Variants in HNRNPUL1 observed in about 807,000 individuals in gnomAD.
HNRNPUL1 encodes heterogeneous nuclear ribonucleoprotein U-like protein 1.
Under a neutral mutation model 108.5 loss-of-function variants are expected in HNRNPUL1, and 14 were observed. The ratio of observed to expected loss-of-function variants is 0.13; its 90% confidence interval spans 0.09 to 0.20. The LOEUF is 0.20. Among genes scored for constraint, HNRNPUL1 ranks in the 10% least tolerant of loss-of-function variants. The probability of loss-of-function intolerance (pLI) is 1.00; values close to 1 mark genes in which losing one functional copy is unlikely to be tolerated. For missense variants in HNRNPUL1, 804 were observed against 1,168.3 expected, an observed-to-expected ratio of 0.69 and a Z score of 4.55; for synonymous variants, 422 against 445.2, an observed-to-expected ratio of 0.95 and a Z score of 0.66.
chr19:41,291,637 C>T (rs1189699768), intron 7 of HNRNPUL1, among the ~76,000 whole-genome samples: 2 of 152,058 alleles, frequency 1.3e-5, no homozygotes, highest in African/African-American at 4.8e-5. Flanking sequence ...CCTTTTCCTT[C>T]GTCTTCATCT....
Position 41,276,149 on chromosome 19 carries a change from T to C in HNRNPUL1, c.647-10T>C, listed in dbSNP as rs1194601432. The C allele has an allele frequency of 6.2e-7, 1 of 1,613,844 alleles. No individual in the cohort carries two copies. The highest frequency in any genetic ancestry group is 8.5e-7 in the Non-Finnish European group (1 of 1,179,928). On this transcript the variant is annotated splice_polypyrimidine_tract_variant and intron_variant, in intron 4 of 14. Coordinates refer to ENST00000392006, the MANE Select transcript of HNRNPUL1 (RefSeq NM_007040.6). Reference sequence around the variant, plus strand: ...AAACATCAGCCAACTGTGGGCATTTTCCTTCACAGATAACTGCGACCTCCA... The same window carrying C: ...AAACATCAGCCAACTGTGGGCATTTCCCTTCACAGATAACTGCGACCTCCA...
Position 41,264,425 on chromosome 19 carries a change from T to C in HNRNPUL1, c.-79T>C. The C allele has an allele frequency of 8.3e-7, 1 of 1,201,480 alleles. No individual in the cohort carries two copies. Among genetic ancestry groups the C allele is most frequent in the South Asian group, 2.8e-5 (1 of 36,268 alleles). 74.4% of individuals were successfully genotyped at this position (1,201,480 alleles called of 1,614,324 possible). ...GGCCCCCCCCCTTTCCCCCTTCGCC[T>C]CCTGACAGGAAAGGTTTAAGGGGGA... On this transcript the variant is annotated 5_prime_UTR_variant, in exon 1 of 15. Transcript: ENST00000392006.
intron 7 of HNRNPUL1, among the ~76,000 whole-genome samples, chr19:41,286,917 C>T (rs898612669): frequency 2.0e-5 from 3 of 151,792 alleles, no homozygotes; most frequent in Non-Finnish European, 4.4e-5. Context: ...GGGGTTTCAC[C>T]ATGTTGGCCA....
chr19:41,300,764 T>C (rs557624515), intron 10 of HNRNPUL1, among the ~76,000 whole-genome samples: 1 of 152,256 alleles, frequency 6.6e-6, no homozygotes, highest in Non-Finnish European at 1.5e-5. Context: ...TGCCATCACT[T>C]AGAGGAAGGG....
rs71177710 is a variant in HNRNPUL1 at position 41,289,713 on chromosome 19, C to CTTT, written c.1000-2514_1000-2512dup. On this transcript the variant is annotated intron_variant, in intron 7 of 14. Coordinates refer to ENST00000392006, the MANE Select transcript of HNRNPUL1 (RefSeq NM_007040.6). ...AACAGTCATACCTGCTCTCCATGGT[C>CTTT]TTTTTTTTTTTTTTTTTTTTGAGAA... 4.2e-3 allele frequency among the ~76,000 whole-genome samples: 508 copies of CTTT among 119,888 alleles called. 14 individuals carry two copies. Among genetic ancestry groups the CTTT allele is most frequent in the Middle Eastern group, 0.014 (3 of 220 alleles). The allele number at this position is 119,888 out of a possible 152,430, so 78.7% of individuals were successfully genotyped here. A position where few individuals can be genotyped will look rare whatever the true frequency, so the allele number is the denominator to read the frequency against.
In HNRNPUL1 at chr19:41,292,335, G is replaced by C; in HGVS notation, c.1090G>C (p.Gly364Arg). 1 of 1,614,208 alleles carries C rather than the reference G, an allele frequency of 6.2e-7. No individual in the cohort carries two copies. The highest frequency in any genetic ancestry group is 8.5e-7 in the Non-Finnish European group (1 of 1,180,046). The change falls in exon 8 of 15, where the codon GGG (glycine) becomes CGG (arginine). Residue 364 changes from glycine to arginine, a missense_variant. By Grantham distance (125) the Gly-to-Arg change is moderately radical. Coordinates refer to ENST00000392006, the MANE Select transcript of HNRNPUL1 (RefSeq NM_007040.6). The surrounding 1 kb of genome is among the most constrained non-coding windows in gnomAD (Gnocchi z 4.1). ...IAFRIQKEAL[G>R]GQALYPHVLV... is the part of the protein sequence containing the mutation. ...TTTCCGAATCCAGAAGGAAGCCTTG[G>C]GGGGTCAGGCCCTCTATCCTCATGT...
chr19:41,273,903 A>G (rs1000157054), intron 3 of HNRNPUL1, 79 bp from the exon 4 acceptor site: 7 of 1,200,132 alleles, frequency 5.8e-6, no homozygotes, highest in Non-Finnish European at 8.6e-6. Context: ...CCACTCATAG[A>G]TTACAGCAGA....
At chr19:41,272,458 A>C in intron 3 of HNRNPUL1, 1 of 479,456 alleles carries the variant, frequency 2.1e-6, no homozygotes, top group Non-Finnish European at 3.7e-6. Flanking sequence ...TAACTTCTAA[A>C]TATCTTAGAC....
intron 4 of HNRNPUL1, among the ~76,000 whole-genome samples, chr19:41,274,291 G>A (rs1416343937): frequency 6.6e-6 from 1 of 152,182 alleles, no homozygotes; most frequent in Non-Finnish European, 1.5e-5. Flanking sequence ...CCTTCAGGAA[G>A]GAGTAAATCT....
At chr19:41,276,343 A>T in intron 5 of HNRNPUL1, 45 bp downstream of exon 5, 1 of 1,561,282 alleles carries the variant, frequency 6.4e-7, no homozygotes, top group African/African-American at 1.4e-5. Context: ...AAGTCCATCC[A>T]TTGTAATATC....
chr19:41,303,272 G>T (rs997923148), intron 12 of HNRNPUL1, among the ~76,000 whole-genome samples: 1 of 152,054 alleles, frequency 6.6e-6, no homozygotes, highest in Non-Finnish European at 1.5e-5. Flanking sequence ...TTGGAAATGG[G>T]GGCTACATCT....
chr19:41,265,469 A>C, intron 1 of HNRNPUL1: 1 of 1,221,672 alleles, frequency 8.2e-7, no homozygotes, highest in Non-Finnish European at 1.1e-6. Context: ...ACTAGGGGGC[A>C]CCCCCATCTC....
At position 41,272,252 on chromosome 19, in the gene HNRNPUL1, G is replaced by A. The variant is rs1449930547; in HGVS notation, c.572+17G>A. On this transcript the variant is annotated intron_variant, in intron 3 of 14. Coordinates refer to ENST00000392006, the MANE Select transcript of HNRNPUL1 (RefSeq NM_007040.6). The stretch of plus-strand genomic sequence containing the variant: ...GGATAGGAGGTGGGTGTATGAGGCA[G>A]CAGTCACCCTTGCTCTGGTAGGTTT... 8 of 1,610,956 alleles carry A rather than the reference G, an allele frequency of 5.0e-6. No individual in the cohort carries two copies. Among genetic ancestry groups the A allele is most frequent in the Non-Finnish European group, 6.8e-6 (8 of 1,178,982 alleles).
Position 41,279,135 on chromosome 19 carries a change from T to C in HNRNPUL1, c.845T>C (p.Val282Ala). 1 of 1,613,960 alleles carries C rather than the reference T, an allele frequency of 6.2e-7. No homozygotes were observed. Among genetic ancestry groups the C allele is most frequent in the Non-Finnish European group, 8.5e-7 (1 of 1,179,942 alleles). Reference protein sequence around the residue: ...LPSTEPDPHVVRIGWSLDSCS... With the variant: ...LPSTEPDPHVARIGWSLDSCS... ...TCTACAGAGCCTGACCCCCACGTGG[T>C]CCGTATCGGCTGGTCCCTGGACTCC... Residue 282 changes from valine to alanine, a missense_variant, in exon 6 of 15, where the codon GTC becomes GCC. Physicochemically the swap from Val to Ala is moderately conservative, Grantham distance 64. Coordinates refer to ENST00000392006, the MANE Select transcript of HNRNPUL1 (RefSeq NM_007040.6).
chr19:41,304,554 A>C (rs975717840), intron 13 of HNRNPUL1, among the ~76,000 whole-genome samples: 2 of 152,202 alleles, frequency 1.3e-5, no homozygotes, highest in Non-Finnish European at 2.9e-5. Flanking sequence ...CAGCAAGTAC[A>C]TTATTCTTGG....
In HNRNPUL1 at chr19:41,302,702, T is replaced by A; in HGVS notation, c.1725T>A (p.Asp575Glu). Residue 575 changes from aspartate to glutamate, a missense_variant, in exon 12 of 15, where the codon GAT becomes GAA. Around this residue, in one of 4 missense-constraint regions of HNRNPUL1, gnomAD observed 294 missense variants for 388.3 expected, o/e 0.76. Coordinates refer to ENST00000392006, the MANE Select transcript of HNRNPUL1 (RefSeq NM_007040.6). ...FTLPDVGDFLDEVLFIELQRE... is the reference protein window; with the variant it reads ...FTLPDVGDFLEEVLFIELQRE... ...TGCCAGATGTTGGGGACTTCCTGGA[T>A]GAGGTTCTGTTCATTGAGCTGCAGC... 1 of 1,614,194 alleles carries A rather than the reference T, an allele frequency of 6.2e-7. No individual in the cohort carries two copies. The highest frequency in any genetic ancestry group is 8.5e-7 in the Non-Finnish European group (1 of 1,180,030).
chr19:41,271,864 T>A (rs1372257852), intron 2 of HNRNPUL1, among the ~76,000 whole-genome samples: 1 of 152,106 alleles, frequency 6.6e-6, no homozygotes, highest in Non-Finnish European at 1.5e-5. Context: ...AATTGGAGAA[T>A]TTAGGGTCAT....
chr19:41,289,034 CAAGACT>C (rs1305683371), intron 7 of HNRNPUL1, among the ~76,000 whole-genome samples: 1 of 142,368 alleles, frequency 7.0e-6, no homozygotes, highest in Non-Finnish European at 1.6e-5. Flanking sequence ...TAGCTACCAC[CAAGACT>C]ACACTCCAAA....
intron 2 of HNRNPUL1, among the ~76,000 whole-genome samples, chr19:41,270,187 T>C (rs2035135741): frequency 6.6e-6 from 1 of 152,126 alleles, no homozygotes; most frequent in Non-Finnish European, 1.5e-5. Context: ...TTTACCATGT[T>C]GGCCAGGCTG....
Sources: allele counts gnomAD v4.1 joint callset (sites outside exome capture counted in the v4.1 genomes callset), GRCh38; gene constraint gnomAD v4.1.1; regional missense constraint gnomAD v4.1.1; non-coding constraint Gnocchi (gnomAD v3.1); transcripts MANE v1.5; gene names NCBI Gene and HGNC (gene_info 2026-07-23, HGNC 2026-07-21).